UBE2Q1: variants seen among roughly 807,000 people sequenced by gnomAD.
The protein encoded by UBE2Q1 is ubiquitin conjugating enzyme E2 Q1.
Under a neutral mutation model 60.1 loss-of-function variants are expected in UBE2Q1, and 6 were observed. The ratio of observed to expected loss-of-function variants is 0.10; its 90% CI spans 0.05 to 0.20. UBE2Q1 has a LOEUF of 0.20. Ranked by LOEUF, UBE2Q1 falls within the 10% of genes least tolerant of loss-of-function variation. The probability of loss-of-function intolerance (pLI) is 1.00; values close to 1 mark genes in which losing one functional copy is unlikely to be tolerated. For missense variants in UBE2Q1, 262 were observed against 525.8 expected (o/e 0.50, Z 4.91); for synonymous variants, 226 against 208.3 (o/e 1.09, Z -0.73).
At chr1:154,552,957 G>A (rs1377993760) in intron 5 of UBE2Q1, 75 bp downstream of exon 5, 1 of 1,600,702 alleles carries the variant, frequency 6.2e-7, no homozygotes, top group African/African-American at 1.3e-5. Flanking sequence ...TCTCCATACT[G>A]AGATGCGATG....
At chr1:154,554,942 C>T (rs758021688) in intron 3 of UBE2Q1, 157 bp from the exon 4 acceptor site, 5 of 689,416 alleles carry the variant, frequency 7.3e-6, no homozygotes, top group Non-Finnish European at 1.2e-5. Flanking sequence ...GAAGCAACAG[C>T]CCAGGGAATG....
rs1695824374 is a variant in UBE2Q1 at position 154,553,281 on chromosome 1, G to A, written c.589-109C>T. Reference sequence around the variant, plus strand: ...ATTTGGCGAAGAGCCAAAAGTTAAAGTGAAGCAGTCCATCTAGCAGTCTTA... The same window carrying A: ...ATTTGGCGAAGAGCCAAAAGTTAAAATGAAGCAGTCCATCTAGCAGTCTTA... On this transcript the variant is annotated intron_variant, in intron 4 of 12. Transcript: ENST00000292211. The A allele has an allele frequency of 2.8e-6, 4 of 1,409,972 alleles. No individual in the cohort carries two copies. The South Asian group carries it at 5.4e-5, about 19-fold the overall frequency. The allele number at this position is 1,409,972 out of a possible 1,614,324, so 87.3% of individuals were successfully genotyped here.
In UBE2Q1 at chr1:154,550,166, G is replaced by GA; in HGVS notation, c.*271dup. ...AGTTTCCAGCAATATAAGGAGGCTC[G>GA]AAAGTTTCTTTTATAAGAATGCCTG... On this transcript the variant is annotated 3_prime_UTR_variant, in exon 13 of 13. Transcript: ENST00000292211. 2 of 455,392 alleles carry GA rather than the reference G, an allele frequency of 4.4e-6. No individual in the cohort carries two copies. Among genetic ancestry groups the GA allele is most frequent in the Non-Finnish European group, 7.9e-6 (2 of 254,740 alleles). 28.2% of individuals were successfully genotyped at this position (455,392 alleles called of 1,614,324 possible). A position where few individuals can be genotyped will look rare whatever the true frequency, so the allele number is the denominator to read the frequency against.
chr1:154,551,294 G>A (rs185994150), intron 11 of UBE2Q1, 103 bp downstream of exon 11: 1 of 1,234,870 alleles, frequency 8.1e-7, no homozygotes, highest in South Asian at 1.3e-5. Context: ...CAGCCCGGGG[G>A]CCTTATGCTC....
Position 154,551,988 on chromosome 1 carries a change from G to C in UBE2Q1, c.967-9C>G. The C allele has an allele frequency of 6.2e-7, 1 of 1,614,202 alleles. No individual in the cohort carries two copies. ...TCAAAGGGAAAGTTATCCTGAGAGA[G>C]AGAGAGACGACAATCAGGGGAGGGA... On this transcript the variant is annotated splice_polypyrimidine_tract_variant and intron_variant, in intron 8 of 12. Coordinates refer to ENST00000292211, the MANE Select transcript of UBE2Q1 (RefSeq NM_017582.7).
intron 1 of UBE2Q1, 46 bp from the exon 2 acceptor site, chr1:154,556,010 G>A (rs1695879812): frequency 1.3e-6 from 2 of 1,569,280 alleles, no homozygotes; most frequent in Non-Finnish European, 8.8e-7. Context: ...GGTGACTCTG[G>A]GAAAAGCCAG....
chr1:154,553,101 A>G lies in UBE2Q1; in HGVS notation c.660T>C (p.Asp220=), dbSNP rs560737331. ...TGGCCAAGTTTTCTTTTCCAATGCC[A>G]TCATCTTCAGATTTCTTGCCCTCAG... The part of the protein sequence containing the change: ...EPAEGKKSED[D]GIGKENLAIL... Residue 220 remains aspartate, a synonymous_variant, in exon 5 of 13, where the codon GAT becomes GAC. Transcript: ENST00000292211. 2.5e-6 allele frequency: 4 copies of G among 1,614,050 alleles called. No individual in the cohort carries two copies. The highest frequency in any genetic ancestry group is 3.3e-4 in the Middle Eastern group (2 of 6,062).
At chr1:154,550,834 T>C in intron 12 of UBE2Q1, 104 bp downstream of exon 12, 1 of 1,598,080 alleles carries the variant, frequency 6.3e-7, no homozygotes, top group Non-Finnish European at 8.5e-7. Flanking sequence ...TAATGGGTGG[T>C]TGAGTATCAG....
chr1:154,558,150 G>T, intron 1 of UBE2Q1, 77 bp downstream of exon 1: 3 of 1,277,696 alleles, frequency 2.3e-6, no homozygotes, highest in Non-Finnish European at 2.1e-6. Flanking sequence ...GGTCCTTCGA[G>T]AGCAAAAAGC....
chr1:154,558,276 G>C lies in UBE2Q1; in HGVS notation c.278C>G (p.Pro93Arg), dbSNP rs372729486. Residue 93 changes from proline (P) to arginine (R), a missense_variant, in exon 1 of 13, where the codon CCA becomes CGA. Coordinates refer to ENST00000292211, the MANE Select transcript of UBE2Q1 (RefSeq NM_017582.7). ...AGAAPGPHLPPRGSVPGDPVR... is the reference protein window; with the variant it reads ...AGAAPGPHLPRRGSVPGDPVR... ...AGGATCCCCAGGCACCGACCCCCGT[G>C]GGGGGAGATGCGGTCCGGGCGCGGC... 101 of 1,576,808 alleles carry C rather than the reference G, an allele frequency of 6.4e-5. No homozygotes were observed. The highest frequency in any genetic ancestry group is 5.9e-4 in the South Asian group (52 of 87,412).
rs1400498293 is a variant in UBE2Q1 at position 154,551,755 on chromosome 1, G to A, written c.1074+16C>T. ...CCGCCCAGGCCGGCCTGGCCAAGGAGGAGAGACAGGCTCACCTGTTTGGTG... is the reference window on the plus strand; with the variant it reads ...CCGCCCAGGCCGGCCTGGCCAAGGAAGAGAGACAGGCTCACCTGTTTGGTG... On this transcript the variant is annotated intron_variant, in intron 10 of 12. Coordinates refer to ENST00000292211, the MANE Select transcript of UBE2Q1 (RefSeq NM_017582.7). 1 of 1,614,196 alleles carries A rather than the reference G, an allele frequency of 6.2e-7. No homozygotes were observed. Among genetic ancestry groups the A allele is most frequent in the South Asian group, 1.1e-5 (1 of 91,082 alleles).
At position 154,551,143 on chromosome 1, in the gene UBE2Q1, C is replaced by A; in HGVS notation, c.1171-139G>T. On this transcript the variant is annotated intron_variant, in intron 11 of 12. Coordinates refer to ENST00000292211, the MANE Select transcript of UBE2Q1 (RefSeq NM_017582.7). ...CTAGTAAAACACTAAGTACCCTCCA[C>A]CTTCGAGGTCCCTTGGAGGCATAAT... The A allele has an allele frequency of 3.9e-6, 4 of 1,017,938 alleles. No individual in the cohort carries two copies. In the Admixed American group the frequency reaches 6.0e-5, roughly 15 times the overall value. 63.1% of individuals were successfully genotyped at this position (1,017,938 alleles called of 1,614,324 possible).
Position 154,548,632 on chromosome 1 carries a change from A to AAAT in UBE2Q1, c.*1803_*1805dup, listed in dbSNP as rs1452558905. The AAAT allele has an allele frequency of 2.6e-5, 4 of 152,766 alleles. No individual in the cohort carries two copies. The East Asian group carries it at 7.7e-4, about 29-fold the overall frequency. The allele number at this position is 152,766 out of a possible 1,614,324, so 9.5% of individuals were successfully genotyped here. A position where few individuals can be genotyped will look rare whatever the true frequency, so the allele number is the denominator to read the frequency against. ...TGGTAGATGAGAAAAATACATTACA[A>AAAT]AATACATTATACAGAAGACAGCTCA... On this transcript the variant is annotated 3_prime_UTR_variant, in exon 13 of 13. Transcript: ENST00000292211.
chr1:154,553,263 G>T lies in UBE2Q1; in HGVS notation c.589-91C>A. The T allele has an allele frequency of 1.1e-5, 16 of 1,504,036 alleles. No homozygotes were observed. In the South Asian group the frequency reaches 1.1e-4, roughly 11 times the overall value. The allele number at this position is 1,504,036 out of a possible 1,614,324, so 93.2% of individuals were successfully genotyped here. ...CATCACCTTCCCAGTCCCATTTGGC[G>T]AAGAGCCAAAAGTTAAAGTGAAGCA... On this transcript the variant is annotated intron_variant, in intron 4 of 12. Transcript: ENST00000292211.
Position 154,549,298 on chromosome 1 carries a change from A to C in UBE2Q1, c.*1140T>G, listed in dbSNP as rs545771506. ...GTTCCTGAGCCTGGGGTAAGGACAC[A>C]GGTGTATAGAACAACCCCCCTTAAA... On this transcript the variant is annotated 3_prime_UTR_variant, in exon 13 of 13. Transcript: ENST00000292211. The C allele has an allele frequency of 6.6e-6, 1 of 152,388 alleles. No individual in the cohort carries two copies. Among genetic ancestry groups the C allele is most frequent in the African/African-American group, 2.4e-5 (1 of 41,588 alleles). 9.4% of individuals were successfully genotyped at this position (152,388 alleles called of 1,614,324 possible). A position where few individuals can be genotyped will look rare whatever the true frequency, so the allele number is the denominator to read the frequency against.
Position 154,552,872 on chromosome 1 carries a change from C to T in UBE2Q1, c.730-52G>A, listed in dbSNP as rs751081920. On this transcript the variant is annotated intron_variant, in intron 5 of 12. Transcript: ENST00000292211. ...TCCTTGGTCGTGTGGTTTATAAACA[C>T]ACGTTAGACCTTAGGGGCAGTCTGG... The T allele has an allele frequency of 1.9e-6, 3 of 1,603,064 alleles. No individual in the cohort carries two copies. The African/African-American group carries it at 4.0e-5, about 22-fold the overall frequency.
At chr1:154,550,589 G>T (rs1399266911) in intron 12 of UBE2Q1, 120 bp from the exon 13 acceptor site, 6 of 1,551,400 alleles carry the variant, frequency 3.9e-6, no homozygotes, top group Admixed American at 1.9e-5. Context: ...GGGCTATGCT[G>T]TGTGGGGAGA....
In UBE2Q1 at chr1:154,558,598, G is replaced by C. The variant is rs1280211944; in HGVS notation, c.-45C>G. 4.0e-6 allele frequency: 4 copies of C among 1,006,914 alleles called. No homozygotes were observed. The highest frequency in any genetic ancestry group is 2.1e-4 in the East Asian group (2 of 9,504). 62.4% of individuals were successfully genotyped at this position (1,006,914 alleles called of 1,614,324 possible). Reference sequence around the variant, plus strand: ...CGGGGCCGGCGGGCCGGGAGCCTCCGGCCTGCGCTCCGGGCTCCGCCGCCG... The same window carrying C: ...CGGGGCCGGCGGGCCGGGAGCCTCCCGCCTGCGCTCCGGGCTCCGCCGCCG... On this transcript the variant is annotated 5_prime_UTR_variant, in exon 1 of 13. Transcript: ENST00000292211.
intron 2 of UBE2Q1, 106 bp from the exon 3 acceptor site, chr1:154,555,638 A>G: frequency 8.8e-7 from 1 of 1,136,972 alleles, no homozygotes; most frequent in Non-Finnish European, 1.3e-6. Context: ...CTAGTTCTCT[A>G]AGCCTTATGG....
Sources: allele counts gnomAD v4.1 joint callset, GRCh38; gene constraint gnomAD v4.1.1; transcripts MANE v1.5; gene names NCBI Gene and HGNC (gene_info 2026-07-23, HGNC 2026-07-21).